PLEKHA5: variants seen among roughly 807,000 people sequenced by gnomAD.
PLEKHA5 encodes the protein pleckstrin homology domain-containing family A member 5.
In PLEKHA5, 55 loss-of-function variants were observed where a neutral mutation model predicts 181.9. The ratio of observed to expected loss-of-function variants is 0.30; its 90% confidence interval spans 0.24 to 0.38. The LOEUF is 0.38. Among genes scored for constraint, PLEKHA5 ranks in the 10% least tolerant of loss-of-function variants. The probability of loss-of-function intolerance (pLI) is 1.00; values close to 1 mark genes in which losing one functional copy is unlikely to be tolerated. For synonymous variants in PLEKHA5, 535 were observed against 529.4 expected (o/e 1.01, Z -0.15); for missense variants, 1,432 against 1,549.5 (o/e 0.92, Z 1.27).
intron 15 of PLEKHA5, among the ~76,000 whole-genome samples, chr12:19,305,140 T>C (rs1305282384): frequency 1.3e-5 from 2 of 152,160 alleles, no homozygotes; most frequent in African/African-American, 2.4e-5. Context: ...GAAGCTGAGG[T>C]GGTCCTTGTC....
At chr12:19,338,150 TG>T (rs1429835421) in intron 21 of PLEKHA5, among the ~76,000 whole-genome samples, 1 of 152,192 alleles carries the variant, frequency 6.6e-6, no homozygotes, top group African/African-American at 2.4e-5. Context: ...GTGACTATTG[TG>T]ACTACACAAT....
intron 8 of PLEKHA5, 70 bp from the exon 9 acceptor site, chr12:19,269,700 T>TA: frequency 1.4e-6 from 1 of 726,206 alleles, no homozygotes; most frequent in Non-Finnish European, 2.3e-6. Flanking sequence ...AGGAATCACT[T>TA]ACCTTTTTTT....
At chr12:19,182,999 A>C (rs1458932916) in intron 3 of PLEKHA5, among the ~76,000 whole-genome samples, 1 of 152,242 alleles carries the variant, frequency 6.6e-6, no homozygotes, top group African/African-American at 2.4e-5. Context: ...ATGTTTTTTG[A>C]AAGTTAAATT....
At chr12:19,273,284 T>C (rs1474677901) in intron 10 of PLEKHA5, among the ~76,000 whole-genome samples, 1 of 152,142 alleles carries the variant, frequency 6.6e-6, no homozygotes, top group Non-Finnish European at 1.5e-5. Context: ...TTGCCTCCAA[T>C]CTAGAAGCCA....
At chr12:19,276,685 T>C (rs1328886458) in intron 11 of PLEKHA5, among the ~76,000 whole-genome samples, 1 of 152,066 alleles carries the variant, frequency 6.6e-6, no homozygotes, top group African/African-American at 2.4e-5. Flanking sequence ...TTGAAGGAAA[T>C]CAAAAATGAC....
chr12:19,363,332 A>AT (rs1157254336), intron 29 of PLEKHA5, among the ~76,000 whole-genome samples: 67 of 142,080 alleles, frequency 4.7e-4, no homozygotes, highest in Middle Eastern at 3.5e-3. Flanking sequence ...TTATTTTTTT[A>AT]TTTTTTTTTT....
At chr12:19,150,480 A>G (rs10841159) in intron 3 of PLEKHA5, 2 of 152,218 alleles carry the variant, frequency 1.3e-5, no homozygotes, top group Non-Finnish European at 2.9e-5. Context: ...ATCACTGGTT[A>G]AAATTCTTAT....
At chr12:19,173,090 C>G (rs1252228959) in intron 3 of PLEKHA5, among the ~76,000 whole-genome samples, 22 of 127,824 alleles carry the variant, frequency 1.7e-4, no homozygotes, top group African/African-American at 5.9e-4. Flanking sequence ...GTGGCGCAAT[C>G]TCGGCTCACT....
intron 7 of PLEKHA5, 93 bp from the exon 8 acceptor site, chr12:19,265,657 C>A: frequency 1.4e-6 from 1 of 708,298 alleles, no homozygotes; most frequent in South Asian, 1.8e-5. Context: ...CATTTATGTA[C>A]AAGAACCTTT....
chr12:19,222,082 A>G (rs1168953556), intron 3 of PLEKHA5, among the ~76,000 whole-genome samples: 1 of 152,128 alleles, frequency 6.6e-6, no homozygotes, highest in Non-Finnish European at 1.5e-5. Flanking sequence ...CCTGAGCAAC[A>G]TAACGAGACC....
chr12:19,265,608 T>C lies in PLEKHA5; in HGVS notation c.611-142T>C, dbSNP rs1592253953. 2.1e-5 allele frequency: 12 copies of C among 568,526 alleles called. No individual in the cohort carries two copies. In the East Asian group the frequency reaches 3.5e-4, roughly 16 times the overall value. The allele number at this position is 568,526 out of a possible 1,614,324, so 35.2% of individuals were successfully genotyped here. A position where few individuals can be genotyped will look rare whatever the true frequency, so the allele number is the denominator to read the frequency against. Reference sequence around the variant, plus strand: ...TCTTGTGCTATTTGATATTTTCATTTAAAACCTTATAAAGGCCTGCCTGAA... The same window carrying C: ...TCTTGTGCTATTTGATATTTTCATTCAAAACCTTATAAAGGCCTGCCTGAA... On this transcript the variant is annotated intron_variant, in intron 7 of 31. Coordinates refer to ENST00000429027, the MANE Select transcript of PLEKHA5 (RefSeq NM_001256470.2).
chr12:19,135,881 G>GT (rs71064059), intron 3 of PLEKHA5, among the ~76,000 whole-genome samples: 9,138 of 128,942 alleles, frequency 0.071, 459 homozygotes, highest in East Asian at 0.2. Flanking sequence ...ATCTTACTTT[G>GT]TTTTTTTTTT....
Position 19,130,182 on chromosome 12 carries a change from C to T in PLEKHA5, c.169+52C>T, listed in dbSNP as rs552527926. 6.6e-6 allele frequency: 8 copies of T among 1,212,212 alleles called. No homozygotes were observed. In the South Asian group the frequency reaches 1.2e-4, roughly 18 times the overall value. The allele number at this position is 1,212,212 out of a possible 1,614,324, so 75.1% of individuals were successfully genotyped here. A position where few individuals can be genotyped will look rare whatever the true frequency, so the allele number is the denominator to read the frequency against. On this transcript the variant is annotated intron_variant, in intron 2 of 31. Coordinates refer to ENST00000429027, the MANE Select transcript of PLEKHA5 (RefSeq NM_001256470.2). This position sits in a 1 kb window ranked among gnomAD's most constrained non-coding sequence, Gnocchi z 4.5. ...GCTCCGCCTGGAGGAGGCGGCAGAGCCCGGGCCGCCCGGCTCCCCGCAACC... is the reference window on the plus strand; with the variant it reads ...GCTCCGCCTGGAGGAGGCGGCAGAGTCCGGGCCGCCCGGCTCCCCGCAACC...
At chr12:19,343,880 C>T (rs1156485943) in intron 22 of PLEKHA5, among the ~76,000 whole-genome samples, 2 of 151,966 alleles carry the variant, frequency 1.3e-5, no homozygotes, top group African/African-American at 4.8e-5. Context: ...TGGTGAAACC[C>T]TGTCTCTACT....
chr12:19,341,275 T>C (rs2093905426), intron 21 of PLEKHA5, among the ~76,000 whole-genome samples: 1 of 151,298 alleles, frequency 6.6e-6, no homozygotes, highest in South Asian at 2.1e-4. Flanking sequence ...AGACTCAGCC[T>C]CAAAAAAAAT....
chr12:19,136,562 C>T (rs2151043265), intron 3 of PLEKHA5, among the ~76,000 whole-genome samples: 1 of 152,186 alleles, frequency 6.6e-6, no homozygotes, highest in South Asian at 2.1e-4. Flanking sequence ...GCCATGGTAA[C>T]TTAAAATGGA....
chr12:19,278,378 A>G (rs1314387381), intron 11 of PLEKHA5, among the ~76,000 whole-genome samples: 1 of 152,170 alleles, frequency 6.6e-6, no homozygotes, highest in African/African-American at 2.4e-5. Context: ...TTTTTGAACT[A>G]TAATTTAGAT....
intron 3 of PLEKHA5, among the ~76,000 whole-genome samples, chr12:19,249,315 C>G (rs769377764): frequency 6.6e-5 from 10 of 152,100 alleles, no homozygotes; most frequent in Non-Finnish European, 1.2e-4. Context: ...ACAAAAACTG[C>G]AATACCTCAA....
intron 15 of PLEKHA5, among the ~76,000 whole-genome samples, chr12:19,292,462 A>T (rs1252507073): frequency 1.3e-5 from 2 of 152,098 alleles, no homozygotes; most frequent in Admixed American, 6.6e-5. Context: ...AGGAAGGAAG[A>T]TGGGTGAAGT....
Sources: gnomAD v4.1 joint callset for allele counts (sites outside exome capture counted in the v4.1 genomes callset) on GRCh38, gnomAD v4.1.1 for gene constraint, Gnocchi (gnomAD v3.1) non-coding constraint, MANE v1.5 for transcripts, NCBI Gene and HGNC (gene_info 2026-07-23, HGNC 2026-07-21) for gene names.